Variants in P3H1 observed in about 807,000 individuals in gnomAD.
P3H1 encodes prolyl 3-hydroxylase 1.
In P3H1, 69 loss-of-function variants were observed where a neutral mutation model predicts 84.0. The ratio of observed to expected loss-of-function variants is 0.82; its 90% confidence interval spans 0.68 to 1.00. The LOEUF (loss-of-function observed/expected upper bound fraction) is 1.00, where lower values mean the gene tolerates loss of function less well. Among genes scored for constraint, P3H1 ranks in the 50% least tolerant of loss-of-function variants. P3H1 has a pLI of 0.00. For synonymous variants in P3H1, 366 were observed against 388.8 expected (o/e 0.94, Z 0.69); for missense variants, 878 against 962.8 (o/e 0.91, Z 1.17).
chr1:42,750,441 T>C, intron 10 of P3H1, 105 bp from the exon 11 acceptor site: 3 of 1,300,248 alleles, frequency 2.3e-6, no homozygotes, highest in Non-Finnish European at 3.3e-6. Context: ...CCATGTGTTG[T>C]GGAAGGGACC....
chr1:42,763,672 C>CA (rs766034061), intron 1 of P3H1, among the ~76,000 whole-genome samples: 562 of 41,500 alleles, frequency 0.014, 65 homozygotes, highest in South Asian at 0.052. Context: ...ACTCTTGTCT[C>CA]AAAAAAAAAA....
chr1:42,766,059 C>T (rs372990843), intron 1 of P3H1, among the ~76,000 whole-genome samples: 2 of 150,488 alleles, frequency 1.3e-5, no homozygotes, highest in East Asian at 1.9e-4. Context: ...CCCCTGCTGG[C>T]GACGTGGCAA....
rs547835697 is a variant in P3H1, at chr1:42,748,820, A to G, written c.1721-503T>C. On this transcript the variant is annotated intron_variant, in intron 11 of 14. Coordinates refer to ENST00000296388, the MANE Select transcript of P3H1 (RefSeq NM_022356.4). ...GAAACCATGCAGGGAGAAGGTCACG[A>G]AAGGGAACAGACCGGGCTCACTGTC... 1.8e-4 allele frequency: 46 copies of G among 249,686 alleles called. No individual in the cohort carries two copies. The East Asian group carries it at 3.9e-3, about 21-fold the overall frequency. The allele number at this position is 249,686 out of a possible 1,614,324, so 15.5% of individuals were successfully genotyped here.
At position 42,746,846 on chromosome 1, in the gene P3H1, C is replaced by G. The variant is rs1259845189; in HGVS notation, c.2062G>C (p.Val688Leu). 2 of 1,613,912 alleles carry G rather than the reference C, an allele frequency of 1.2e-6. No individual in the cohort carries two copies. The highest frequency in any genetic ancestry group is 1.7e-5 in the Admixed American group (1 of 59,982). ...LDPRHSERDR[V>L]QADDLVKMLF... ...ATCTTCACCAGGTCATCTGCCTGCA[C>G]CCTGTCCTGCAAGGACAAACCCCTG... is the stretch of plus-strand genomic sequence containing the variant. Residue 688 changes from valine (V) to leucine (L), a missense_variant, in exon 15 of 15, where the codon GTG (valine) becomes CTG (leucine). Coordinates refer to ENST00000296388, the MANE Select transcript of P3H1 (RefSeq NM_022356.4).
chr1:42,754,992 T>A lies in P3H1; in HGVS notation c.1224-2A>T. ...CGTACGGCTGTTTCCCGTTCTGACC[T>A]ATGAGCACAGCCGCTCTGAGGACTG... On this transcript the variant is annotated splice_acceptor_variant, in intron 7 of 14. Transcript: ENST00000296388. LOFTEE classifies it high-confidence loss of function. This position sits in a 1 kb window ranked among gnomAD's most constrained non-coding sequence, Gnocchi z 4.0. The A allele has an allele frequency of 6.2e-7, 1 of 1,614,184 alleles. No individual in the cohort carries two copies. Among genetic ancestry groups the A allele is most frequent in the Non-Finnish European group, 8.5e-7 (1 of 1,180,036 alleles).
chr1:42,762,218 C>T (rs1187169071), intron 2 of P3H1, 105 bp downstream of exon 2: 4 of 1,172,132 alleles, frequency 3.4e-6, no homozygotes, highest in Admixed American at 1.7e-5. Context: ...TTACAGTGAG[C>T]TATGATCAAG....
intron 10 of P3H1, 45 bp downstream of exon 10, chr1:42,752,229 C>T (rs1432845403): frequency 6.6e-7 from 1 of 1,514,116 alleles, no homozygotes; most frequent in Non-Finnish European, 9.2e-7. Flanking sequence ...TTCCCCCTTC[C>T]CCACCCCTTT....
intron 10 of P3H1, among the ~76,000 whole-genome samples, chr1:42,751,168 C>T (rs954229613): frequency 1.5e-5 from 2 of 135,560 alleles, no homozygotes; most frequent in Non-Finnish European, 3.1e-5. Context: ...CGGATGGTTG[C>T]GGGGTCTGTG....
intron 10 of P3H1, 139 bp from the exon 11 acceptor site, chr1:42,750,475 G>A: frequency 2.3e-6 from 2 of 885,526 alleles, no homozygotes; most frequent in South Asian, 2.8e-5. Context: ...CTGAATAATG[G>A]GGGTGGATCT....
At chr1:42,747,436 G>T in intron 13 of P3H1, 24 bp from the exon 14 acceptor site, 1 of 1,601,020 alleles carries the variant, frequency 6.2e-7, no homozygotes, top group Non-Finnish European at 8.5e-7. Context: ...AAAGGGAGGG[G>T]GGTTGCACAG....
intron 4 of P3H1, 58 bp downstream of exon 4, chr1:42,758,794 C>A: frequency 6.2e-7 from 1 of 1,603,492 alleles, no homozygotes; most frequent in Non-Finnish European, 8.5e-7. Context: ...TCCCTGCCCA[C>A]CTTGCCTTTA....
chr1:42,764,434 A>AG (rs1217640505), intron 1 of P3H1, among the ~76,000 whole-genome samples: 1 of 148,662 alleles, frequency 6.7e-6, no homozygotes, highest in Admixed American at 6.8e-5. Context: ...AAAAAAAAAA[A>AG]AAAAAAAAAA....
rs1653048442 is a variant in P3H1 at position 42,766,942 on chromosome 1, G to A, written c.30C>T (p.Thr10=). The A allele has an allele frequency of 1.9e-6, 3 of 1,609,288 alleles. No homozygotes were observed. The highest frequency in any genetic ancestry group is 1.1e-5 in the South Asian group (1 of 91,080). The change falls in exon 1 of 15, where the codon ACC becomes ACT. Residue 10 remains threonine (T), a synonymous_variant. Coordinates refer to ENST00000296388, the MANE Select transcript of P3H1 (RefSeq NM_022356.4). ...CAGCGGCCACGACAGCCAGCAGTGT[G>A]GTCAGCAGCTTCAACGCGCGTACCG... is the stretch of plus-strand genomic sequence containing the variant. MAVRALKLL[T]TLLAVVAAAS... is the part of the protein sequence containing the mutation.
In P3H1 at chr1:42,750,343, A is replaced by G. The variant is rs544460009; in HGVS notation, c.1570-7T>C. On this transcript the variant is annotated splice_polypyrimidine_tract_variant and splice_region_variant and intron_variant, in intron 10 of 14. Transcript: ENST00000296388. ...CTTTGCCTTCTTGCCCCAGCTGCCAAGGAGACAGATGGTCAGCTGCCCTCA... is the reference window on the plus strand; with the variant it reads ...CTTTGCCTTCTTGCCCCAGCTGCCAGGGAGACAGATGGTCAGCTGCCCTCA... 1 of 1,613,982 alleles carries G rather than the reference A, an allele frequency of 6.2e-7. No individual in the cohort carries two copies. Among genetic ancestry groups the G allele is most frequent in the African/African-American group, 1.3e-5 (1 of 75,048 alleles).
In P3H1 at chr1:42,746,971, T is replaced by TC. The variant is rs1405909127; in HGVS notation, c.2056-120dup. ...CTTAATGGCCCCAGGCTCATCTCCT[T>TC]CCCAGCAGGTCCTACTCTCTGGAAA... On this transcript the variant is annotated intron_variant, in intron 14 of 14. Coordinates refer to ENST00000296388, the MANE Select transcript of P3H1 (RefSeq NM_022356.4). 5.0e-6 allele frequency: 8 copies of TC among 1,614,054 alleles called. No homozygotes were observed. In the South Asian group the frequency reaches 7.7e-5, roughly 16 times the overall value.
intron 8 of P3H1, 30 bp from the exon 9 acceptor site, chr1:42,752,694 A>G: frequency 6.2e-7 from 1 of 1,613,864 alleles, no homozygotes; most frequent in South Asian, 1.1e-5. Flanking sequence ...CTCTAGCTAA[A>G]TCTAGCAGCA....
In P3H1 at chr1:42,759,101, A is replaced by G. The variant is rs916167021; in HGVS notation, c.808+100T>C. ...TTCATCAGCTTCTCAGATTTAATAA[A>G]TTGAGGAATGAGGGTGAAGAGTCCC... On this transcript the variant is annotated intron_variant, in intron 3 of 14. Transcript: ENST00000296388. 1.4e-5 allele frequency: 22 copies of G among 1,569,082 alleles called. No homozygotes were observed. In the Admixed American group the frequency reaches 2.8e-4, roughly 20 times the overall value.
Position 42,766,779 on chromosome 1 carries a change from G to T in P3H1, c.193C>A (p.Arg65=). The change falls in exon 1 of 15, where the codon CGG becomes AGG. Residue 65 remains arginine (R), a synonymous_variant. Coordinates refer to ENST00000296388, the MANE Select transcript of P3H1 (RefSeq NM_022356.4). Reference sequence around the variant, plus strand: ...AGGCGAAGGGCGCGGAGGGCTGCCCGGGAGCGCAGCGCCCGTTCCATGCTC... The same window carrying T: ...AGGCGAAGGGCGCGGAGGGCTGCCCTGGAGCGCAGCGCCCGTTCCATGCTC... The part of the protein sequence containing the change: ...VLSMERALRS[R]AALRALRLRC... The T allele has an allele frequency of 6.3e-7, 1 of 1,598,956 alleles. No homozygotes were observed. The highest frequency in any genetic ancestry group is 2.2e-5 in the East Asian group (1 of 44,544).
intron 2 of P3H1, 36 bp from the exon 3 acceptor site, chr1:42,759,426 A>G (rs754003187): frequency 1.3e-6 from 2 of 1,597,388 alleles, no homozygotes; most frequent in Non-Finnish European, 8.6e-7. Flanking sequence ...TGCAGGCCAC[A>G]GAGGAGGAAC....
Sources: gnomAD v4.1 joint callset for allele counts (sites outside exome capture counted in the v4.1 genomes callset) on GRCh38, gnomAD v4.1.1 for gene constraint, Gnocchi (gnomAD v3.1) non-coding constraint, MANE v1.5 for transcripts, NCBI Gene and HGNC (gene_info 2026-07-23, HGNC 2026-07-21) for gene names.